The following KCTD10 variants were observed in gnomAD, a reference collection of about 807,000 sequenced individuals.
KCTD10 encodes potassium channel tetramerization domain containing 10.
In KCTD10, 13 loss-of-function variants were observed where a neutral mutation model predicts 34.6. That is an observed-to-expected ratio of 0.38 (90% CI 0.24 to 0.60). The LOEUF (loss-of-function observed/expected upper bound fraction) is 0.60, where lower values mean the gene tolerates loss of function less well. KCTD10 is among the 20% of genes least tolerant of loss of function. KCTD10 has a pLI of 0.66. For synonymous variants in KCTD10, 156 were observed against 168.8 expected (o/e 0.92, Z 0.59); for missense variants, 256 against 420.3 (o/e 0.61, Z 3.42).
At position 109,469,826 on chromosome 12, in the gene KCTD10, C is replaced by T. The variant is rs954264692; in HGVS notation, c.4-98G>A. On this transcript the variant is annotated intron_variant, in intron 1 of 6. Transcript: ENST00000228495. ...GCCTCCAGATGTGTTTTGCTTGGGC[C>T]ACGCATACACAGCATTTAAAAGTTT... The T allele has an allele frequency of 1.4e-4, 210 of 1,517,152 alleles. 1 individual carries two copies. In the South Asian group the frequency reaches 2.0e-3, roughly 15 times the overall value. 94.0% of individuals were successfully genotyped at this position (1,517,152 alleles called of 1,614,324 possible). A position where few individuals can be genotyped will look rare whatever the true frequency, so the allele number is the denominator to read the frequency against.
Position 109,458,047 on chromosome 12 carries a change from A to G in KCTD10, c.419T>C (p.Val140Ala). 1 of 1,614,190 alleles carries G rather than the reference A, an allele frequency of 6.2e-7. No individual in the cohort carries two copies. Among genetic ancestry groups the G allele is most frequent in the Non-Finnish European group, 8.5e-7 (1 of 1,180,012 alleles). Residue 140 changes from valine to alanine, a missense_variant, in exon 4 of 7, where the codon GTC (valine) becomes GCC (alanine). Val to Ala is a moderately conservative substitution (Grantham distance 64). This residue lies in a region of KCTD10 where 155 missense variants were observed against 207.0 expected (regional missense o/e 0.75). Transcript: ENST00000228495. The part of the protein sequence containing the change: ...NKDTYEPFCK[V>A]PVITSSKEEQ... ...TTCCTTGGATGAGGTGATCACAGGG[A>G]CCTTGCAGAAAGGCTCATAAGTATC...
chr12:109,469,052 A>T, intron 2 of KCTD10: 1 of 193,094 alleles, frequency 5.2e-6, no homozygotes, highest in Non-Finnish European at 1.1e-5. Context: ...ACATATACAC[A>T]CATGCACTGA....
At chr12:109,470,049 C>A (rs11614385) in intron 1 of KCTD10, 1 of 1,146,194 alleles carries the variant, frequency 8.7e-7, no homozygotes, top group Non-Finnish European at 1.1e-6. Context: ...CCCTGCCTGT[C>A]GACCCTGCAG....
chr12:109,473,790 T>C (rs1874011232), intron 1 of KCTD10, among the ~76,000 whole-genome samples: 1 of 151,780 alleles, frequency 6.6e-6, no homozygotes, highest in African/African-American at 2.4e-5. Flanking sequence ...TGCTTTTTTT[T>C]TTTTTTTTGA....
chr12:109,467,488 G>A (rs1161009207), intron 2 of KCTD10, among the ~76,000 whole-genome samples: 1 of 152,156 alleles, frequency 6.6e-6, no homozygotes, highest in African/African-American at 2.4e-5. Context: ...TGTGTTTGGT[G>A]GTGCATGCCT....
chr12:109,470,646 AAC>A (rs1873840759), intron 1 of KCTD10: 8 of 973,554 alleles, frequency 8.2e-6, no homozygotes, highest in South Asian at 4.7e-5. Context: ...ATTGAACATC[AAC>A]AGTTTTTCAC....
chr12:109,462,213 C>T (rs145276519), intron 2 of KCTD10, among the ~76,000 whole-genome samples: 1 of 152,366 alleles, frequency 6.6e-6, no homozygotes, highest in East Asian at 1.9e-4. Context: ...GTATTCTTTG[C>T]ATGAATTGCC....
At position 109,450,089 on chromosome 12, in the gene KCTD10, T is replaced by C. The variant is rs759317003; in HGVS notation, c.*1506A>G. The C allele has an allele frequency of 1.3e-5, 5 of 395,660 alleles. No individual in the cohort carries two copies. The highest frequency in any genetic ancestry group is 2.2e-5 in the Non-Finnish European group (5 of 224,728). The allele number at this position is 395,660 out of a possible 1,614,324, so 24.5% of individuals were successfully genotyped here. On this transcript the variant is annotated 3_prime_UTR_variant, in exon 7 of 7. Coordinates refer to ENST00000228495, the MANE Select transcript of KCTD10 (RefSeq NM_031954.5). ...AAGCTGTAAAAACCGTTTGAAAATA[T>C]AAACTCGTTTTTGGAATACATGTGT... is the stretch of plus-strand genomic sequence containing the variant.
chr12:109,465,476 C>T (rs929775415), intron 2 of KCTD10, among the ~76,000 whole-genome samples: 3 of 152,172 alleles, frequency 2.0e-5, no homozygotes, highest in African/African-American at 7.2e-5. Flanking sequence ...TCTTCAAAGT[C>T]CTACTGCCTG....
chr12:109,457,212 G>A, intron 5 of KCTD10: 1 of 167,036 alleles, frequency 6.0e-6, no homozygotes, highest in East Asian at 1.7e-4. Flanking sequence ...AAAATGTCCA[G>A]AACAGGCAAA....
rs538827008 is a variant in KCTD10 at position 109,466,402 on chromosome 12, A to C, written c.217+3113T>G. Among the ~76,000 whole-genome samples, 7 of 152,370 alleles carry C rather than the reference A, an allele frequency of 4.6e-5. No homozygotes were observed. In the South Asian group the frequency reaches 1.5e-3, roughly 32 times the overall value. On this transcript the variant is annotated intron_variant, in intron 2 of 6. Coordinates refer to ENST00000228495, the MANE Select transcript of KCTD10 (RefSeq NM_031954.5). ...CCAACTCTGCAAAACATTATCATTC[A>C]TAACTGGGGAAGGAGGAAAGAGGTT...
At chr12:109,462,311 T>A (rs573530397) in intron 2 of KCTD10, among the ~76,000 whole-genome samples, 1 of 152,290 alleles carries the variant, frequency 6.6e-6, no homozygotes, top group South Asian at 2.1e-4. Flanking sequence ...AAAAGAACGG[T>A]CTCCACCCTC....
intron 2 of KCTD10, among the ~76,000 whole-genome samples, chr12:109,466,846 T>C (rs1283529961): frequency 2.0e-5 from 3 of 152,258 alleles, no homozygotes; most frequent in Admixed American, 2.0e-4. Flanking sequence ...CAAACTTCAT[T>C]GCAGCTGACA....
intron 6 of KCTD10, among the ~76,000 whole-genome samples, chr12:109,455,249 A>G (rs1002482380): frequency 6.6e-6 from 1 of 152,214 alleles, no homozygotes; most frequent in Non-Finnish European, 1.5e-5. Context: ...ATGTTGTCAA[A>G]TTCATCCTGT....
chr12:109,458,392 A>G (rs1003139493), intron 3 of KCTD10: 3 of 260,048 alleles, frequency 1.2e-5, no homozygotes, highest in African/African-American at 4.5e-5. Context: ...TTTAATCAAA[A>G]GCTCCTAAAA....
chr12:109,454,814 C>A (rs1872941188), intron 6 of KCTD10, among the ~76,000 whole-genome samples: 1 of 152,186 alleles, frequency 6.6e-6, no homozygotes, highest in Non-Finnish European at 1.5e-5. Context: ...ACATGCCACT[C>A]CTGAACCTGT....
intron 1 of KCTD10, among the ~76,000 whole-genome samples, chr12:109,473,371 CAAA>C (rs1566059990): frequency 2.0e-5 from 3 of 152,166 alleles, no homozygotes; most frequent in Non-Finnish European, 4.4e-5. Flanking sequence ...TGTCCAGGGC[CAAA>C]AGCCTCACCT....
chr12:109,466,673 C>G (rs1489666637), intron 2 of KCTD10, among the ~76,000 whole-genome samples: 1 of 152,238 alleles, frequency 6.6e-6, no homozygotes, highest in Non-Finnish European at 1.5e-5. Context: ...CTATTCCCCC[C>G]ATGCTGGATG....
intron 2 of KCTD10, chr12:109,464,916 C>G (rs765225044): frequency 6.6e-6 from 3 of 452,026 alleles, no homozygotes; most frequent in Non-Finnish European, 1.3e-5. Flanking sequence ...GATGCTGTCC[C>G]AATTCCCCTC....
Sources: gnomAD v4.1 joint callset for allele counts (sites outside exome capture counted in the v4.1 genomes callset) on GRCh38, gnomAD v4.1.1 for gene constraint, gnomAD v4.1.1 regional missense constraint, MANE v1.5 for transcripts, NCBI Gene and HGNC (gene_info 2026-07-23, HGNC 2026-07-21) for gene names.